MYO15A: variants seen among roughly 807,000 people sequenced by gnomAD.
The protein encoded by MYO15A is myosin XVA, also known as unconventional myosin-XV.
A neutral mutation model predicts 394.6 loss-of-function variants in MYO15A; 308 were observed. That is an observed-to-expected ratio of 0.78 (90% CI 0.71 to 0.86). The LOEUF (loss-of-function observed/expected upper bound fraction) is 0.86, where lower values mean the gene tolerates loss of function less well. Ranked by LOEUF, MYO15A falls within the 40% of genes least tolerant of loss-of-function variation. The pLI, the probability that MYO15A is intolerant of heterozygous loss-of-function variation, is 0.00. For synonymous variants in MYO15A, 1,957 were observed against 2,003.8 expected (o/e 0.98, Z 0.62); for missense variants, 4,606 against 4,799.1 (o/e 0.96, Z 1.19).
rs2046554350 is a variant in MYO15A, at chr17:18,150,141, C to T, written c.7213-288C>T. On this transcript the variant is annotated intron_variant, in intron 35 of 65. Transcript: ENST00000647165. This position sits in a 1 kb window ranked among gnomAD's most constrained non-coding sequence, Gnocchi z 4.4. ...GGAAACTCCAGAACCCACCCCACCC[C>T]CACTGCCCCTGGCATGATATGCAGC... is the stretch of plus-strand genomic sequence containing the variant. Among the ~76,000 whole-genome samples, 1 of 152,094 alleles carries T rather than the reference C, an allele frequency of 6.6e-6. No individual in the cohort carries two copies.
chr17:18,122,612 G>T, intron 2 of MYO15A: 1 of 746,034 alleles, frequency 1.3e-6, no homozygotes, highest in Non-Finnish European at 2.1e-6. Flanking sequence ...AGCACAGGCA[G>T]GCCCAGGACA....
chr17:18,138,855 C>T lies in MYO15A; in HGVS notation c.5052C>T (p.Gly1684=), dbSNP rs374134183. Residue 1684 remains glycine (G), a synonymous_variant, in exon 18 of 66, where the codon GGC becomes GGT. Coordinates refer to ENST00000647165, the MANE Select transcript of MYO15A (RefSeq NM_016239.4). ...TFLQKCHYHH[G]ANPLYSKPKM... is the part of the protein sequence containing the mutation. ...TACAGAAGTGCCACTACCATCATGG[C>T]GCCAACCCGCTCTATTCCAAACCCA... is the stretch of plus-strand genomic sequence containing the variant. 3.0e-5 allele frequency: 48 copies of T among 1,613,632 alleles called. No individual in the cohort carries two copies. Among genetic ancestry groups the T allele is most frequent in the Middle Eastern group, 1.6e-4 (1 of 6,084 alleles).
chr17:18,136,389 G>A, intron 13 of MYO15A, 28 bp from the exon 14 acceptor site: 4 of 1,613,324 alleles, frequency 2.5e-6, no homozygotes, highest in Non-Finnish European at 3.4e-6. Context: ...CCAGCCTGAT[G>A]TCACTCAAGG....
At position 18,151,876 on chromosome 17, in the gene MYO15A, G is replaced by A. The variant is rs1382297191; in HGVS notation, c.7818G>A (p.Arg2606=). 6.3e-7 allele frequency: 1 copy of A among 1,578,306 alleles called. No homozygotes were observed. The highest frequency in any genetic ancestry group is 1.9e-5 in the Admixed American group (1 of 53,294). Reference sequence around the variant, plus strand: ...ATGGCGGGAAAGTGTTCATGAAGCGGCCAGACCCTCATGAGGAGGCCCTGA... The same window carrying A: ...ATGGCGGGAAAGTGTTCATGAAGCGACCAGACCCTCATGAGGAGGCCCTGA... ...RKDGGKVFMK[R]PDPHEEALMI... The change falls in exon 41 of 66, where the codon CGG becomes CGA. Residue 2606 remains arginine (R), a synonymous_variant. Coordinates refer to ENST00000647165, the MANE Select transcript of MYO15A (RefSeq NM_016239.4).
At chr17:18,154,079 A>G (rs1367232979) in intron 43 of MYO15A, 52 bp from the exon 44 acceptor site, 16 of 1,611,036 alleles carry the variant, frequency 9.9e-6, no homozygotes, top group Non-Finnish European at 1.4e-5. Flanking sequence ...CCGGGTGTGA[A>G]GCAAGGCCAG....
At chr17:18,171,588 C>A in intron 62 of MYO15A, 50 bp from the exon 63 acceptor site, 2 of 1,613,382 alleles carry the variant, frequency 1.2e-6, no homozygotes, top group Non-Finnish European at 1.7e-6. Flanking sequence ...TGAGGATTGC[C>A]TGAGCCTGGG....
rs773903954 is a variant in MYO15A, at chr17:18,120,049, C to T, written c.1249C>T (p.Pro417Ser). 2.5e-6 allele frequency: 4 copies of T among 1,613,414 alleles called. No homozygotes were observed. The highest frequency in any genetic ancestry group is 1.7e-5 in the Admixed American group (1 of 60,006). ...SAFVYPWVPP[P>S]IPSPHNPYAH... ...CTTTGTGTACCCCTGGGTACCACCGCCCATCCCGTCGCCCCACAACCCGTA... is the reference window on the plus strand; with the variant it reads ...CTTTGTGTACCCCTGGGTACCACCGTCCATCCCGTCGCCCCACAACCCGTA... Residue 417 changes from proline to serine, a missense_variant, in exon 2 of 66, where the codon CCC becomes TCC. By Grantham distance (74) the Pro-to-Ser change is moderately conservative (BLOSUM62 -1). This residue lies in a region of MYO15A where 1,830 missense variants were observed against 1,689.7 expected (regional missense o/e 1.08). Coordinates refer to ENST00000647165, the MANE Select transcript of MYO15A (RefSeq NM_016239.4).
At chr17:18,144,726 T>A (rs1174112227) in intron 29 of MYO15A, 134 bp downstream of exon 29, 1 of 802,918 alleles carries the variant, frequency 1.2e-6, no homozygotes, top group Non-Finnish European at 2.1e-6. Context: ...AAGGACAGAC[T>A]TTTATGTCAG....
intron 30 of MYO15A, among the ~76,000 whole-genome samples, chr17:18,146,420 G>C (rs1294871274): frequency 6.6e-6 from 1 of 152,172 alleles, no homozygotes; most frequent in Non-Finnish European, 1.5e-5. Context: ...TAATGGGGTG[G>C]TTAGGAGCAT....
At chr17:18,172,539 A>ATAG in intron 64 of MYO15A, 1 of 577,004 alleles carries the variant, frequency 1.7e-6, no homozygotes, top group Non-Finnish European at 3.1e-6. Context: ...ATGCACTCAA[A>ATAG]TAGTACATCT....
At chr17:18,144,384 G>A in intron 28 of MYO15A, 113 bp from the exon 29 acceptor site, 1 of 1,014,932 alleles carries the variant, frequency 9.9e-7, no homozygotes, top group East Asian at 2.4e-5. Flanking sequence ...CATACACTGA[G>A]GACCAAAGCC....
intron 1 of MYO15A, among the ~76,000 whole-genome samples, chr17:18,113,528 G>C (rs2045747478): frequency 6.6e-6 from 1 of 152,110 alleles, no homozygotes; most frequent in African/African-American, 2.4e-5. Flanking sequence ...GGAGGATGAG[G>C]TGGGCAGATC....
chr17:18,177,208 T>C (rs62073649), intron 65 of MYO15A: 27,757 of 152,210 alleles, frequency 0.18, 2,644 homozygotes, highest in Middle Eastern at 0.23. Flanking sequence ...CCCCCTCAGC[T>C]CTGGCCCTCA....
chr17:18,157,329 G>C, intron 50 of MYO15A, 99 bp downstream of exon 50: 5 of 1,488,990 alleles, frequency 3.4e-6, no homozygotes, highest in African/African-American at 2.8e-5. Context: ...GCCCGAAAGT[G>C]GCCTGGGCTG....
At chr17:18,156,860 G>A (rs755546761) in intron 48 of MYO15A, 94 bp from the exon 49 acceptor site, 3 of 1,097,066 alleles carry the variant, frequency 2.7e-6, no homozygotes, top group African/African-American at 3.1e-5. Context: ...CTTCCCTGAT[G>A]AGTCAGGAAG....
In MYO15A at chr17:18,126,781, G is replaced by C; in HGVS notation, c.3867-10G>C. On this transcript the variant is annotated splice_polypyrimidine_tract_variant and intron_variant, in intron 5 of 65. Coordinates refer to ENST00000647165, the MANE Select transcript of MYO15A (RefSeq NM_016239.4). The stretch of plus-strand genomic sequence containing the variant: ...AGGCAGGGGCCAGCTCTAATGACCT[G>C]TCTCCCCAGGCACCTCTTTGCTGTT... 2.5e-6 allele frequency: 4 copies of C among 1,614,074 alleles called. No individual in the cohort carries two copies. The highest frequency in any genetic ancestry group is 3.4e-6 in the Non-Finnish European group (4 of 1,179,986).
chr17:18,151,235 C>T lies in MYO15A; in HGVS notation c.7599C>T (p.Pro2533=). The change falls in exon 39 of 66, where the codon CCC becomes CCT. Residue 2533 remains proline, a synonymous_variant. Coordinates refer to ENST00000647165, the MANE Select transcript of MYO15A (RefSeq NM_016239.4). ...CTCTGGCCAAGGCTCCAAGGCTCCC[C>T]ATCAAGCCTGTGGCTGCCCCTGTTC... ...PAPLAKAPRL[P]IKPVAAPVLA... is the part of the protein sequence containing the mutation. 2 of 1,614,162 alleles carry T rather than the reference C, an allele frequency of 1.2e-6. No individual in the cohort carries two copies. Among genetic ancestry groups the T allele is most frequent in the South Asian group, 2.2e-5 (2 of 91,086 alleles).
At chr17:18,156,451 T>G in intron 48 of MYO15A, 115 bp downstream of exon 48, 4 of 1,202,516 alleles carry the variant, frequency 3.3e-6, no homozygotes, top group Non-Finnish European at 4.8e-6. Flanking sequence ...CTTAAGGCCT[T>G]TGCACTGGCT....
At chr17:18,139,357 G>A in intron 18 of MYO15A, 177 bp from the exon 19 acceptor site, 1 of 722,692 alleles carries the variant, frequency 1.4e-6, no homozygotes, top group Non-Finnish European at 2.4e-6. Context: ...CTGAGGGTGA[G>A]GCCAAGACCC....
Sources: gnomAD v4.1 joint callset for allele counts (sites outside exome capture counted in the v4.1 genomes callset) on GRCh38, gnomAD v4.1.1 for gene constraint, gnomAD v4.1.1 regional missense constraint, Gnocchi (gnomAD v3.1) non-coding constraint, MANE v1.5 for transcripts, NCBI Gene and HGNC (gene_info 2026-07-23, HGNC 2026-07-21) for gene names.